The following TMEM26 variants were observed in gnomAD, a reference collection of about 807,000 sequenced individuals.
The protein encoded by TMEM26 is transmembrane protein 26.
In TMEM26, 38 loss-of-function variants were observed where a neutral mutation model predicts 28.8. The observed-to-expected ratio is 1.32, with a 90% CI of 1.02 to 1.73. The LOEUF (loss-of-function observed/expected upper bound fraction) is 1.73, where lower values mean the gene tolerates loss of function less well. TMEM26 is among the 40% of genes most tolerant of loss of function. The pLI is 0.00. For missense variants in TMEM26, 518 were observed against 447.1 expected, an observed-to-expected ratio of 1.16 and a Z score of -1.43; for synonymous variants, 227 against 182.9, an observed-to-expected ratio of 1.24 and a Z score of -1.95.
chr10:61,426,407 GT>G (rs1428681180), intron 4 of TMEM26, among the ~76,000 whole-genome samples: 2 of 152,046 alleles, frequency 1.3e-5, no homozygotes, highest in African/African-American at 4.8e-5. Context: ...TGAACTTTAT[GT>G]TATTTAAACC....
At position 61,414,003 on chromosome 10, in the gene TMEM26, G is replaced by T. The variant is rs764813835; in HGVS notation, c.606-468C>A. 2.4e-5 allele frequency: 24 copies of T among 987,172 alleles called. No individual in the cohort carries two copies. In the South Asian group the frequency reaches 5.1e-4, roughly 21 times the overall value. 61.2% of individuals were successfully genotyped at this position (987,172 alleles called of 1,614,324 possible). On this transcript the variant is annotated intron_variant, in intron 4 of 5. Coordinates refer to ENST00000399298, the MANE Select transcript of TMEM26 (RefSeq NM_178505.8). ...AAAAACTCAACATTGAAATAAAATT[G>T]TCATTAGATAGGAAAAAGGTAAGGA...
intron 5 of TMEM26, chr10:61,413,014 A>G (rs1410624124): frequency 7.4e-6 from 9 of 1,220,492 alleles, no homozygotes; most frequent in African/African-American, 1.6e-5. Context: ...AAAAGAATGA[A>G]AATTACTTCT....
intron 3 of TMEM26, among the ~76,000 whole-genome samples, chr10:61,430,227 T>G (rs964393126): frequency 1.3e-5 from 2 of 152,038 alleles, no homozygotes; most frequent in African/African-American, 4.8e-5. Flanking sequence ...TGATTGGAGC[T>G]TGAATTAGAA....
chr10:61,434,927 C>T (rs1213117264), intron 2 of TMEM26, among the ~76,000 whole-genome samples: 2 of 152,130 alleles, frequency 1.3e-5, no homozygotes, highest in Admixed American at 6.6e-5. Context: ...AAGATCTTTT[C>T]TAAAGTATTT....
chr10:61,441,685 T>A (rs764291501), intron 1 of TMEM26, among the ~76,000 whole-genome samples: 1 of 152,178 alleles, frequency 6.6e-6, no homozygotes, highest in African/African-American at 2.4e-5. Flanking sequence ...CTGATAAGTA[T>A]ATGATTCAAT....
At chr10:61,451,137 G>A (rs1014982936) in intron 1 of TMEM26, among the ~76,000 whole-genome samples, 6 of 152,096 alleles carry the variant, frequency 3.9e-5, no homozygotes, top group Non-Finnish European at 7.4e-5. Context: ...CCAGTTCCCT[G>A]TATAACTTGA....
chr10:61,414,446 A>G (rs1459482305), intron 4 of TMEM26: 3 of 152,044 alleles, frequency 2.0e-5, no homozygotes, highest in African/African-American at 4.8e-5. Context: ...AAAAGAAATG[A>G]GGTGATTGTA....
Position 61,453,376 on chromosome 10 carries a change from A to G in TMEM26, c.-295T>C. The G allele has an allele frequency of 3.4e-6, 1 of 298,180 alleles. No homozygotes were observed. 18.5% of individuals were successfully genotyped at this position (298,180 alleles called of 1,614,324 possible). A position where few individuals can be genotyped will look rare whatever the true frequency, so the allele number is the denominator to read the frequency against. ...CCCTGTCTCCAGGGCGTTATTCTCC[A>G]GCGCTGCCCATCCCCCTCCCAATCT... On this transcript the variant is annotated 5_prime_UTR_variant, in exon 1 of 6. Coordinates refer to ENST00000399298, the MANE Select transcript of TMEM26 (RefSeq NM_178505.8).
chr10:61,426,339 T>C (rs1315432560), intron 4 of TMEM26, among the ~76,000 whole-genome samples: 1 of 152,134 alleles, frequency 6.6e-6, no homozygotes, highest in Non-Finnish European at 1.5e-5. Context: ...ACCTGGATTG[T>C]GGTTATGGAT....
At chr10:61,427,316 A>T (rs998443231) in intron 4 of TMEM26, among the ~76,000 whole-genome samples, 2 of 152,078 alleles carry the variant, frequency 1.3e-5, no homozygotes, top group African/African-American at 2.4e-5. Flanking sequence ...CTGAATTGAA[A>T]CAGTCTTGAT....
intron 1 of TMEM26, among the ~76,000 whole-genome samples, chr10:61,449,205 ATGT>A: frequency 6.6e-6 from 1 of 152,316 alleles, no homozygotes; most frequent in Middle Eastern, 3.4e-3. Flanking sequence ...AACGGGGGAC[ATGT>A]TGTTGGCTCA....
chr10:61,437,234 C>G (rs1411070179), intron 1 of TMEM26, among the ~76,000 whole-genome samples: 1 of 152,052 alleles, frequency 6.6e-6, no homozygotes, highest in African/African-American at 2.4e-5. Context: ...CTTATTTAAC[C>G]TTAATGACCA....
intron 1 of TMEM26, among the ~76,000 whole-genome samples, chr10:61,445,851 T>A (rs865951196): frequency 4.6e-5 from 7 of 152,204 alleles, no homozygotes; most frequent in African/African-American, 1.7e-4. Context: ...GGAAAAAAAC[T>A]TAAGGTATTC....
Position 61,423,858 on chromosome 10 carries a change from A to T in TMEM26, c.605+5068T>A, listed in dbSNP as rs1358565054. Among the ~76,000 whole-genome samples the T allele has an allele frequency of 2.6e-5, 4 of 152,240 alleles. 1 individual carries two copies. ...TTAATAGGATAAAAGACAACCAACA[A>T]GTAATTATGTCAATAAAAGCAGGAA... On this transcript the variant is annotated intron_variant, in intron 4 of 5. Coordinates refer to ENST00000399298, the MANE Select transcript of TMEM26 (RefSeq NM_178505.8).
intron 1 of TMEM26, among the ~76,000 whole-genome samples, chr10:61,443,321 C>T (rs1840126808): frequency 1.3e-5 from 2 of 150,868 alleles, no homozygotes; most frequent in Non-Finnish European, 3.0e-5. Flanking sequence ...AAAAATTAGC[C>T]GGTTGTGGCG....
chr10:61,449,948 C>A (rs201110784), intron 1 of TMEM26, among the ~76,000 whole-genome samples: 1 of 152,078 alleles, frequency 6.6e-6, no homozygotes, highest in Non-Finnish European at 1.5e-5. Context: ...ATATCATGGA[C>A]ATTCCTTGAG....
In TMEM26 at chr10:61,419,403, G is replaced by T. The variant is rs76255349; in HGVS notation, c.606-5868C>A. On this transcript the variant is annotated intron_variant, in intron 4 of 5. Transcript: ENST00000399298. ...TTATAAATAGGTTCAAAGAATGAAA[G>T]AAAACTAAGTTTGATTGGTTAAAGA... 6.2e-3 allele frequency among the ~76,000 whole-genome samples: 939 copies of T among 152,162 alleles called. 8 individuals are homozygous for T. Among genetic ancestry groups the T allele is most frequent in the African/African-American group, 0.021 (883 of 41,530 alleles).
chr10:61,423,422 G>C (rs1839779996), intron 4 of TMEM26, among the ~76,000 whole-genome samples: 1 of 152,174 alleles, frequency 6.6e-6, no homozygotes, highest in Non-Finnish European at 1.5e-5. Flanking sequence ...ATAAGCAAAT[G>C]TTAGCAAGCT....
At chr10:61,413,116 A>T (rs1839595067) in intron 5 of TMEM26, 1 of 490,722 alleles carries the variant, frequency 2.0e-6, no homozygotes, top group Non-Finnish European at 3.2e-6. Flanking sequence ...AACCCTAGTG[A>T]CTATGATTAT....
Sources: gnomAD v4.1 joint callset for allele counts (sites outside exome capture counted in the v4.1 genomes callset) on GRCh38, gnomAD v4.1.1 for gene constraint, MANE v1.5 for transcripts, NCBI Gene and HGNC (gene_info 2026-07-23, HGNC 2026-07-21) for gene names.